DPEP2: variants seen among roughly 807,000 people sequenced by gnomAD.
DPEP2 encodes the protein dipeptidase 2.
Under a neutral mutation model 51.8 loss-of-function variants are expected in DPEP2, and 45 were observed. That is an observed-to-expected ratio of 0.87 (90% CI 0.68 to 1.11). The LOEUF (loss-of-function observed/expected upper bound fraction) is 1.11, where lower values mean the gene tolerates loss of function less well. Ranked by LOEUF, DPEP2 falls within the 50% of genes most tolerant of loss-of-function variation. The probability of loss-of-function intolerance (pLI) is 0.00; values close to 1 mark genes in which losing one functional copy is unlikely to be tolerated. For synonymous variants in DPEP2, 255 were observed against 262.7 expected, an observed-to-expected ratio of 0.97 and a Z score of 0.28; for missense variants, 604 against 631.9, an observed-to-expected ratio of 0.96 and a Z score of 0.47.
chr16:67,988,627 A>G (rs1282608015), intron 9 of DPEP2, among the ~76,000 whole-genome samples: 1 of 151,394 alleles, frequency 6.6e-6, no homozygotes, highest in African/African-American at 2.4e-5. Flanking sequence ...GAAAAGAAAA[A>G]AAGAAGAAAA....
chr16:67,987,719 C>G lies in DPEP2; in HGVS notation c.1248G>C (p.Lys416Asn), dbSNP rs759082940. 2 of 1,614,006 alleles carry G rather than the reference C, an allele frequency of 1.2e-6. No homozygotes were observed. Among genetic ancestry groups the G allele is most frequent in the East Asian group, 4.5e-5 (2 of 44,894 alleles). ...AACTGCTCAGCTGCTCATCCGGGAACTTGTCCTCCAAGGGGCTTTGCCATT... is the reference window on the plus strand; with the variant it reads ...AACTGCTCAGCTGCTCATCCGGGAAGTTGTCCTCCAAGGGGCTTTGCCATT... ...ENKWQSPLEDKFPDEQLSSSC... is the reference protein window; with the variant it reads ...ENKWQSPLEDNFPDEQLSSSC... Residue 416 changes from lysine (K) to asparagine (N), a missense_variant, in exon 11 of 11, where the codon AAG (lysine) becomes AAC (asparagine). Transcript: ENST00000393847.
chr16:67,992,450 C>T, intron 3 of DPEP2, 60 bp downstream of exon 3: 3 of 1,566,310 alleles, frequency 1.9e-6, no homozygotes, highest in Non-Finnish European at 2.6e-6. Context: ...TCTGGGGTCC[C>T]CACTCTCCCC....
At position 67,991,181 on chromosome 16, in the gene DPEP2, T is replaced by A. The variant is rs1454380880; in HGVS notation, c.666A>T (p.Ala222=). The A allele has an allele frequency of 1.9e-6, 3 of 1,612,818 alleles. No homozygotes were observed. In the Admixed American group the frequency reaches 5.0e-5, roughly 27 times the overall value. Residue 222 remains alanine (A), a synonymous_variant, in exon 6 of 11, where the codon GCA becomes GCT. Coordinates refer to ENST00000393847, the MANE Select transcript of DPEP2 (RefSeq NM_022355.4). This position sits in a 1 kb window ranked among gnomAD's most constrained non-coding sequence, Gnocchi z 5.1. Reference sequence around the variant, plus strand: ...AGTGGACGCCCTTAGCGGAGCTCTCTGCCCTGCAGGGTGGCCAGGAAGCAG... The same window carrying A: ...AGTGGACGCCCTTAGCGGAGCTCTCAGCCCTGCAGGGTGGCCAGGAAGCAG... The part of the protein sequence containing the change: ...TLTHTCNTPW[A]ESSAKGVHSF...
At chr16:67,998,304 C>T (rs6499149) in intron 1 of DPEP2, among the ~76,000 whole-genome samples, 2 of 151,926 alleles carry the variant, frequency 1.3e-5, no homozygotes, top group South Asian at 2.1e-4. Context: ...GGCCCGCACT[C>T]GGAGCGGCCC....
At chr16:67,988,376 C>T (rs1567441197) in intron 9 of DPEP2, among the ~76,000 whole-genome samples, 2 of 149,904 alleles carry the variant, frequency 1.3e-5, no homozygotes, top group Non-Finnish European at 3.0e-5. Context: ...GAAACCCAAT[C>T]TCTACTAAAA....
chr16:67,996,997 TGA>T (rs2032733796), intron 1 of DPEP2, among the ~76,000 whole-genome samples: 1 of 133,098 alleles, frequency 7.5e-6, no homozygotes, highest in East Asian at 2.1e-4. Flanking sequence ...AAATAGATAA[TGA>T]TATTATTATT....
intron 3 of DPEP2, 92 bp downstream of exon 3, chr16:67,992,418 C>A: frequency 2.0e-6 from 3 of 1,528,832 alleles, no homozygotes; most frequent in South Asian, 1.3e-5. Flanking sequence ...TAACTGAGTT[C>A]TCATGTGACT....
chr16:67,999,312 C>T (rs2032893248), intron 1 of DPEP2, 63 bp downstream of exon 1: 4 of 211,592 alleles, frequency 1.9e-5, no homozygotes, highest in Non-Finnish European at 3.3e-5. Flanking sequence ...GACCACAAAC[C>T]CACCAGAAGG....
At position 67,991,509 on chromosome 16, in the gene DPEP2, C is replaced by G. The variant is rs2032154416; in HGVS notation, c.663-325G>C. Reference sequence around the variant, plus strand: ...TCTCATGCCTCAGCCTCCTGAGTATCTGGGATTATAGGCACGCACCACCAC... The same window carrying G: ...TCTCATGCCTCAGCCTCCTGAGTATGTGGGATTATAGGCACGCACCACCAC... On this transcript the variant is annotated intron_variant, in intron 5 of 10. Coordinates refer to ENST00000393847, the MANE Select transcript of DPEP2 (RefSeq NM_022355.4). This position sits in a 1 kb window ranked among gnomAD's most constrained non-coding sequence, Gnocchi z 5.1. 1.9e-6 allele frequency: 1 copy of G among 515,634 alleles called. No homozygotes were observed. Among genetic ancestry groups the G allele is most frequent in the Non-Finnish European group, 3.5e-6 (1 of 289,130 alleles). The allele number at this position is 515,634 out of a possible 1,614,324, so 31.9% of individuals were successfully genotyped here.
chr16:67,992,422 T>C (rs2151379715), intron 3 of DPEP2, 88 bp downstream of exon 3: 3 of 1,530,284 alleles, frequency 2.0e-6, no homozygotes, highest in Non-Finnish European at 2.6e-6. Flanking sequence ...TGAGTTCTCA[T>C]GTGACTAACT....
rs1567446033 is a variant in DPEP2, at chr16:67,991,274, C to T, written c.663-90G>A. The T allele has an allele frequency of 2.7e-5, 37 of 1,349,612 alleles. No individual in the cohort carries two copies. Among genetic ancestry groups the T allele is most frequent in the Non-Finnish European group, 3.7e-5 (36 of 971,886 alleles). 83.6% of individuals were successfully genotyped at this position (1,349,612 alleles called of 1,614,324 possible). A position where few individuals can be genotyped will look rare whatever the true frequency, so the allele number is the denominator to read the frequency against. On this transcript the variant is annotated intron_variant, in intron 5 of 10. Coordinates refer to ENST00000393847, the MANE Select transcript of DPEP2 (RefSeq NM_022355.4). This position sits in a 1 kb window ranked among gnomAD's most constrained non-coding sequence, Gnocchi z 5.1. ...CTACCCACCCTCCATCCCTGCACCC[C>T]CCTGAAACAAAAACAGGGATCCAAA...
chr16:67,993,535 C>G, intron 1 of DPEP2: 3 of 1,096,032 alleles, frequency 2.7e-6, no homozygotes, highest in Non-Finnish European at 2.2e-6. Flanking sequence ...ACTCCTCCCA[C>G]TGTCCCCAGG....
At chr16:67,998,126 C>A (rs929427427) in intron 1 of DPEP2, among the ~76,000 whole-genome samples, 4 of 152,210 alleles carry the variant, frequency 2.6e-5, no homozygotes, top group African/African-American at 7.2e-5. Flanking sequence ...ACTTGAAGAG[C>A]TCTTCAGCCC....
rs757962264 is a variant in DPEP2, at chr16:67,992,630, G to GT, written c.269dup (p.Asn90LysfsTer19). ...CCTGCCTTAGGACCAGGGGCAGGTC[G>GT]TTGTGGCTGGAGGGATGTCAAGCCA... On this transcript the variant is annotated frameshift_variant, in exon 3 of 11. Transcript: ENST00000393847. LOFTEE classifies it high-confidence loss of function. 1 of 1,613,124 alleles carries GT rather than the reference G, an allele frequency of 6.2e-7. No homozygotes were observed. The highest frequency in any genetic ancestry group is 2.2e-5 in the East Asian group (1 of 44,852).
rs766003939 is a variant in DPEP2, at chr16:67,987,561, A to G, written c.1406T>C (p.Met469Thr). 28 of 1,614,066 alleles carry G rather than the reference A, an allele frequency of 1.7e-5. No individual in the cohort carries two copies. The Admixed American group carries it at 4.0e-4, about 23-fold the overall frequency. The change falls in exon 11 of 11, where the codon ATG (methionine) becomes ACG (threonine). Residue 469 changes from methionine (M) to threonine (T), a missense_variant. Met to Thr is a moderately conservative substitution (Grantham distance 81, BLOSUM62 -1). Transcript: ENST00000393847. ...KWSVSESSPH[M>T]APVLAVVATF... Reference sequence around the variant, plus strand: ...GGCCACAACTGCAAGGACTGGGGCCATGTGGGGGGAGGACTCTGAGACTGA... The same window carrying G: ...GGCCACAACTGCAAGGACTGGGGCCGTGTGGGGGGAGGACTCTGAGACTGA...
chr16:67,991,925 G>A lies in DPEP2; in HGVS notation c.575C>T (p.Ser192Leu). 1.9e-6 allele frequency: 3 copies of A among 1,614,132 alleles called. No individual in the cohort carries two copies. The highest frequency in any genetic ancestry group is 1.3e-5 in the African/African-American group (1 of 75,020). ...TAAGATGGAGAGGCTATTGTCCAGC[G>A]AGTGGCCACCCTCTACACCGATGAG... ...ACLIGVEGGH[S>L]LDNSLSILRT... Residue 192 changes from serine (S) to leucine (L), a missense_variant, in exon 5 of 11, where the codon TCG (serine) becomes TTG (leucine). By Grantham distance (145) the Ser-to-Leu change is moderately radical. Coordinates refer to ENST00000393847, the MANE Select transcript of DPEP2 (RefSeq NM_022355.4). This position sits in a 1 kb window ranked among gnomAD's most constrained non-coding sequence, Gnocchi z 5.1.
At chr16:67,996,721 G>A (rs1406612768) in intron 1 of DPEP2, among the ~76,000 whole-genome samples, 1 of 151,880 alleles carries the variant, frequency 6.6e-6, no homozygotes, top group Non-Finnish European at 1.5e-5. Flanking sequence ...TCCAGAGCCC[G>A]AATGTCTGAC....
At chr16:67,993,592 A>C in intron 1 of DPEP2, 1 of 1,005,456 alleles carries the variant, frequency 9.9e-7, no homozygotes, top group South Asian at 4.5e-5. Flanking sequence ...TCTCTCTCTA[A>C]GAGAGAGGGC....
intron 1 of DPEP2, among the ~76,000 whole-genome samples, chr16:67,996,633 C>T (rs558109021): frequency 1.6e-4 from 24 of 152,176 alleles, no homozygotes; most frequent in Middle Eastern, 6.8e-3. Context: ...CCACCCACCA[C>T]GGCCTCCCAA....
Sources: gnomAD v4.1 joint callset for allele counts (sites outside exome capture counted in the v4.1 genomes callset) on GRCh38, gnomAD v4.1.1 for gene constraint, Gnocchi (gnomAD v3.1) non-coding constraint, MANE v1.5 for transcripts, NCBI Gene and HGNC (gene_info 2026-07-23, HGNC 2026-07-21) for gene names.